The following NTNG1 variants were observed in gnomAD, a reference collection of about 807,000 sequenced individuals.
NTNG1 encodes netrin G1.
A neutral mutation model predicts 54.0 loss-of-function variants in NTNG1; 16 were observed. The ratio of observed to expected loss-of-function variants is 0.30; its 90% CI spans 0.20 to 0.45. NTNG1 has a LOEUF of 0.45. Among genes scored for constraint, NTNG1 ranks in the 20% least tolerant of loss-of-function variants. The probability of loss-of-function intolerance (pLI) is 1.00; values close to 1 mark genes in which losing one functional copy is unlikely to be tolerated. For missense variants in NTNG1, 530 were observed against 678.7 expected (o/e 0.78, Z 2.43); for synonymous variants, 255 against 263.1 (o/e 0.97, Z 0.30).
intron 5 of NTNG1, among the ~76,000 whole-genome samples, chr1:107,423,821 A>G (rs886339400): frequency 6.6e-5 from 10 of 152,122 alleles, no homozygotes; most frequent in Non-Finnish European, 1.0e-4. Context: ...TAAACTCCTT[A>G]ATATATAGGA....
intron 7 of NTNG1, among the ~76,000 whole-genome samples, chr1:107,441,218 G>A (rs1011200626): frequency 1.8e-4 from 23 of 127,620 alleles, no homozygotes; most frequent in Admixed American, 1.6e-3. Context: ...GTAACTGGAC[G>A]TAAAGGAGAT....
intron 5 of NTNG1, among the ~76,000 whole-genome samples, chr1:107,424,542 T>A (rs1046813791): frequency 4.6e-5 from 7 of 151,946 alleles, no homozygotes; most frequent in African/African-American, 1.7e-4. Context: ...AGAAGAACAG[T>A]TTGGGGATGA....
rs1360027663 is a variant in NTNG1, at chr1:107,311,052, G to A, written c.247-13230G>A. Among the ~76,000 whole-genome samples the A allele has an allele frequency of 3.3e-5, 5 of 152,226 alleles. No individual in the cohort carries two copies. In the East Asian group the frequency reaches 9.6e-4, roughly 29 times the overall value. On this transcript the variant is annotated intron_variant, in intron 2 of 7. Coordinates refer to ENST00000370068, the MANE Select transcript of NTNG1 (RefSeq NM_001113226.3). ...TGAAGCTGTGGCAAATAAACAAAGA[G>A]CATATCCCTCTTCTCCAGCACAATA...
chr1:107,184,722 A>G (rs1477208260), intron 2 of NTNG1, among the ~76,000 whole-genome samples: 1 of 152,156 alleles, frequency 6.6e-6, no homozygotes, highest in African/African-American at 2.4e-5. Flanking sequence ...CTGTTGTTTT[A>G]AAAAGGCAGG....
At chr1:107,360,068 C>G (rs548895517) in intron 3 of NTNG1, among the ~76,000 whole-genome samples, 1 of 152,188 alleles carries the variant, frequency 6.6e-6, no homozygotes, top group Non-Finnish European at 1.5e-5. Context: ...ACCCTGTTGT[C>G]TTATACAGGG....
At chr1:107,472,722 G>T (rs962110602) in intron 7 of NTNG1, among the ~76,000 whole-genome samples, 1 of 151,940 alleles carries the variant, frequency 6.6e-6, no homozygotes, top group African/African-American at 2.4e-5. Flanking sequence ...GAAGAAAAAA[G>T]GTTTTTTTTT....
intron 3 of NTNG1, among the ~76,000 whole-genome samples, chr1:107,359,862 A>T (rs564267100): frequency 1.1e-3 from 171 of 152,328 alleles, no homozygotes; most frequent in Admixed American, 3.7e-3. Flanking sequence ...TATTTATAGA[A>T]AACAGTATTT....
intron 2 of NTNG1, among the ~76,000 whole-genome samples, chr1:107,282,895 G>C (rs1257128437): frequency 2.0e-5 from 3 of 152,122 alleles, no homozygotes; most frequent in Non-Finnish European, 4.4e-5. Context: ...GACAGATTCA[G>C]TGTTTGGTGA....
At chr1:107,181,765 T>C (rs1657090797) in intron 2 of NTNG1, among the ~76,000 whole-genome samples, 1 of 152,164 alleles carries the variant, frequency 6.6e-6, no homozygotes. Context: ...TGGCAATTCC[T>C]TTCTCTAATT....
chr1:107,468,824 G>A (rs1252288049), intron 7 of NTNG1, among the ~76,000 whole-genome samples: 2 of 147,918 alleles, frequency 1.4e-5, no homozygotes, highest in African/African-American at 5.0e-5. Context: ...AAGGCCGGGT[G>A]TGGTGGCTCA....
Position 107,483,871 on chromosome 1 carries a change from AC to A in NTNG1, c.*3032del, listed in dbSNP as rs1678876373. ...TTTGCTATTTATAGGAAGATAATGG[AC>A]ATGCCCTGCTGTGATTTGAGGGTTA... On this transcript the variant is annotated 3_prime_UTR_variant, in exon 8 of 8. Coordinates refer to ENST00000370068, the MANE Select transcript of NTNG1 (RefSeq NM_001113226.3). Among the ~76,000 whole-genome samples, 1 of 152,174 alleles carries A rather than the reference AC, an allele frequency of 6.6e-6. No homozygotes were observed. The highest frequency in any genetic ancestry group is 6.5e-5 in the Admixed American group (1 of 15,278).
intron 2 of NTNG1, among the ~76,000 whole-genome samples, chr1:107,205,105 C>T (rs1052287165): frequency 6.6e-6 from 1 of 152,178 alleles, no homozygotes; most frequent in Non-Finnish European, 1.5e-5. Flanking sequence ...GTGTCTCACT[C>T]TCATTTAATT....
intron 2 of NTNG1, among the ~76,000 whole-genome samples, chr1:107,292,713 G>A (rs1665694068): frequency 6.6e-6 from 1 of 152,022 alleles, no homozygotes; most frequent in African/African-American, 2.4e-5. Flanking sequence ...TAAACACACT[G>A]CACATGCTCA....
intron 3 of NTNG1, among the ~76,000 whole-genome samples, chr1:107,350,771 A>G (rs1211713117): frequency 6.6e-6 from 1 of 152,228 alleles, no homozygotes; most frequent in Non-Finnish European, 1.5e-5. Flanking sequence ...GATCTCACTT[A>G]TATGTGGAAT....
chr1:107,380,442 G>A (rs1363080719), intron 3 of NTNG1, among the ~76,000 whole-genome samples: 1 of 152,032 alleles, frequency 6.6e-6, no homozygotes, highest in East Asian at 1.9e-4. Flanking sequence ...ATACTCCCTA[G>A]GGATGATTTT....
At position 107,275,843 on chromosome 1, in the gene NTNG1, G is replaced by T. The variant is rs77421563; in HGVS notation, c.247-48439G>T. Among the ~76,000 whole-genome samples, 760 of 152,254 alleles carry T rather than the reference G, an allele frequency of 5.0e-3. 7 individuals carry two copies. Among genetic ancestry groups the T allele is most frequent in the African/African-American group, 0.018 (729 of 41,546 alleles). On this transcript the variant is annotated intron_variant, in intron 2 of 7. Coordinates refer to ENST00000370068, the MANE Select transcript of NTNG1 (RefSeq NM_001113226.3). The stretch of plus-strand genomic sequence containing the variant: ...GATTAATGTTTGAGCAAATGTCTCT[G>T]CACTCTGCATCCCATTCAAGGTGAC...
intron 2 of NTNG1, among the ~76,000 whole-genome samples, chr1:107,239,266 A>G (rs1435897742): frequency 6.6e-6 from 1 of 152,248 alleles, no homozygotes; most frequent in Non-Finnish European, 1.5e-5. Flanking sequence ...TATCTGATTT[A>G]GAAAATTTAA....
At chr1:107,172,385 T>A (rs1218176989) in intron 2 of NTNG1, among the ~76,000 whole-genome samples, 1 of 152,164 alleles carries the variant, frequency 6.6e-6, no homozygotes, top group African/African-American at 2.4e-5. Flanking sequence ...TTTATATGTG[T>A]TCATTCATAA....
At chr1:107,476,342 A>C (rs594165) in intron 7 of NTNG1, among the ~76,000 whole-genome samples, 117,156 of 151,910 alleles carry the variant, frequency 0.77, 45,872 homozygotes, top group East Asian at 0.89. Flanking sequence ...ACTCTTTTTG[A>C]TTCATCTTTT....
Sources: gnomAD v4.1 joint callset for allele counts (sites outside exome capture counted in the v4.1 genomes callset) on GRCh38, gnomAD v4.1.1 for gene constraint, MANE v1.5 for transcripts, NCBI Gene and HGNC (gene_info 2026-07-23, HGNC 2026-07-21) for gene names.